Variants in CACNA2D3 observed in about 807,000 individuals in gnomAD.
CACNA2D3 encodes the protein voltage-dependent calcium channel subunit alpha-2/delta-3.
A neutral mutation model predicts 160.6 loss-of-function variants in CACNA2D3; 60 were observed. That is an observed-to-expected ratio of 0.37 (90% CI 0.30 to 0.46). The LOEUF (loss-of-function observed/expected upper bound fraction) is 0.46, where lower values mean the gene tolerates loss of function less well. Ranked by LOEUF, CACNA2D3 falls within the 20% of genes least tolerant of loss-of-function variation. The pLI, the probability that CACNA2D3 is intolerant of heterozygous loss-of-function variation, is 1.00. For synonymous variants in CACNA2D3, 558 were observed against 492.9 expected (o/e 1.13, Z -1.75); for missense variants, 1,205 against 1,365.0 (o/e 0.88, Z 1.85).
At chr3:54,464,308 C>G (rs1459951788) in intron 4 of CACNA2D3, among the ~76,000 whole-genome samples, 1 of 152,200 alleles carries the variant, frequency 6.6e-6, no homozygotes, top group Non-Finnish European at 1.5e-5. Context: ...TCAAAGCTGT[C>G]AGACAGGGAC....
intron 13 of CACNA2D3, among the ~76,000 whole-genome samples, chr3:54,799,134 A>G (rs182813947): frequency 6.6e-6 from 1 of 152,246 alleles, no homozygotes; most frequent in Non-Finnish European, 1.5e-5. Context: ...TGTTATTTTT[A>G]GTGTGCAATT....
At chr3:54,201,974 T>A (rs767308316) in intron 2 of CACNA2D3, among the ~76,000 whole-genome samples, 1 of 152,170 alleles carries the variant, frequency 6.6e-6, no homozygotes, top group Non-Finnish European at 1.5e-5. Context: ...ATTAAAGAAA[T>A]TAAACTATGG....
chr3:54,582,196 A>G (rs1702688887), intron 9 of CACNA2D3, among the ~76,000 whole-genome samples: 1 of 152,222 alleles, frequency 6.6e-6, no homozygotes, highest in Non-Finnish European at 1.5e-5. Flanking sequence ...GATTTCAAAG[A>G]AAATTGAACC....
At chr3:54,862,855 G>A (rs1044386656) in intron 17 of CACNA2D3, among the ~76,000 whole-genome samples, 1 of 152,176 alleles carries the variant, frequency 6.6e-6, no homozygotes, top group Non-Finnish European at 1.5e-5. Context: ...TTACTTGAGT[G>A]AATAAAGGAA....
intron 35 of CACNA2D3, among the ~76,000 whole-genome samples, chr3:55,036,318 G>A (rs1031078763): frequency 4.6e-5 from 7 of 151,876 alleles, no homozygotes; most frequent in African/African-American, 1.5e-4. Context: ...ATGATGGTAC[G>A]CACCTGTAAT....
chr3:54,276,203 T>C (rs1344372949), intron 2 of CACNA2D3, among the ~76,000 whole-genome samples: 1 of 151,198 alleles, frequency 6.6e-6, no homozygotes, highest in Non-Finnish European at 1.5e-5. Flanking sequence ...TGTTGAGGAG[T>C]GAACAGTCAG....
At chr3:54,213,539 C>G (rs1268938892) in intron 2 of CACNA2D3, among the ~76,000 whole-genome samples, 1 of 152,162 alleles carries the variant, frequency 6.6e-6, no homozygotes, top group Non-Finnish European at 1.5e-5. Flanking sequence ...TTCTTTCTTC[C>G]TGTGGTCCTC....
chr3:54,593,781 A>G (rs1702903984), intron 9 of CACNA2D3, among the ~76,000 whole-genome samples: 2 of 152,256 alleles, frequency 1.3e-5, no homozygotes, highest in Middle Eastern at 3.4e-3. Context: ...TTTTAAATCC[A>G]TATCACCTTA....
At chr3:54,308,469 C>T (rs1703658460) in intron 2 of CACNA2D3, among the ~76,000 whole-genome samples, 1 of 152,140 alleles carries the variant, frequency 6.6e-6, no homozygotes, top group South Asian at 2.1e-4. Context: ...ACTCCAAGGC[C>T]TGAGAGGAGA....
At chr3:54,990,416 A>T (rs1702713354) in intron 31 of CACNA2D3, among the ~76,000 whole-genome samples, 1 of 152,138 alleles carries the variant, frequency 6.6e-6, no homozygotes, top group African/African-American at 2.4e-5. Flanking sequence ...CCATAATCCT[A>T]GCTAATTGGG....
intron 2 of CACNA2D3, among the ~76,000 whole-genome samples, chr3:54,252,634 A>G (rs1297563938): frequency 6.6e-6 from 1 of 152,138 alleles, no homozygotes; most frequent in Admixed American, 6.5e-5. Flanking sequence ...GCCCTGGCAC[A>G]TGGAACTGCC....
chr3:54,515,193 T>TGAGA (rs1701529658), intron 5 of CACNA2D3, among the ~76,000 whole-genome samples: 1 of 143,612 alleles, frequency 7.0e-6, no homozygotes, highest in African/African-American at 2.7e-5. Context: ...TGTGTGTGTG[T>TGAGA]GTGTGTGAGA....
intron 5 of CACNA2D3, among the ~76,000 whole-genome samples, chr3:54,542,108 C>A (rs1301697986): frequency 6.6e-6 from 1 of 151,852 alleles, no homozygotes; most frequent in African/African-American, 2.4e-5. Flanking sequence ...TGTCTCCAGG[C>A]TGGAGTGCAG....
At position 55,073,513 on chromosome 3, in the gene CACNA2D3, G is replaced by T; in HGVS notation, c.3056G>T (p.Cys1019Phe). 6.2e-7 allele frequency: 1 copy of T among 1,613,890 alleles called. No individual in the cohort carries two copies. The highest frequency in any genetic ancestry group is 8.5e-7 in the Non-Finnish European group (1 of 1,179,860). The change falls in exon 36 of 38, where the codon TGT becomes TTT. Residue 1019 changes from cysteine to phenylalanine, a missense_variant. By Grantham distance (205) the Cys-to-Phe change is radical. Transcript: ENST00000474759. ...FMVVVDSSCL[C>F]ESVAPITMAP... ...GTGGTGGTGGACAGCAGCTGCCTCT[G>T]TGAATCTGTGGCCCCCATCACCATG...
chr3:54,327,791 CAGG>C (rs1207625195), intron 3 of CACNA2D3, among the ~76,000 whole-genome samples: 7 of 152,082 alleles, frequency 4.6e-5, no homozygotes, highest in African/African-American at 1.7e-4. Flanking sequence ...TTTGTCCTTA[CAGG>C]TTTTTTTTTC....
chr3:54,720,233 T>TA (rs933325524), intron 11 of CACNA2D3, among the ~76,000 whole-genome samples: 18 of 152,030 alleles, frequency 1.2e-4, no homozygotes, highest in Admixed American at 2.6e-4. Context: ...TTTCCAGCCT[T>TA]ACTTTTTTAT....
chr3:54,944,452 G>T (rs1362475382), intron 27 of CACNA2D3, among the ~76,000 whole-genome samples: 2 of 150,340 alleles, frequency 1.3e-5, no homozygotes, highest in Non-Finnish European at 2.9e-5. Context: ...ACGGAATCTC[G>T]CTCTGTCGCC....
chr3:54,258,992 A>T (rs933794143), intron 2 of CACNA2D3, among the ~76,000 whole-genome samples: 4 of 152,182 alleles, frequency 2.6e-5, no homozygotes, highest in Non-Finnish European at 4.4e-5. Context: ...TGATCACCAT[A>T]ATTTCCTATC....
At position 54,651,298 on chromosome 3, in the gene CACNA2D3, T is replaced by C. The variant is rs3796236; in HGVS notation, c.1167+9057T>C. Among the ~76,000 whole-genome samples the C allele has an allele frequency of 4.3e-4, 66 of 152,166 alleles. No individual in the cohort carries two copies. In the East Asian group the frequency reaches 6.2e-3, roughly 14 times the overall value. ...CAGAGAGCAGGAGAACAGCAAATTGTGGGGCCTCAGGATGAGGCTCTCTAG... is the reference window on the plus strand; with the variant it reads ...CAGAGAGCAGGAGAACAGCAAATTGCGGGGCCTCAGGATGAGGCTCTCTAG... On this transcript the variant is annotated intron_variant, in intron 11 of 37. Transcript: ENST00000474759.
Sources: allele counts gnomAD v4.1 joint callset (sites outside exome capture counted in the v4.1 genomes callset), GRCh38; gene constraint gnomAD v4.1.1; transcripts MANE v1.5; gene names NCBI Gene and HGNC (gene_info 2026-07-23, HGNC 2026-07-21).